The following CNTNAP5 variants were observed in gnomAD, a reference collection of about 807,000 sequenced individuals.
CNTNAP5 encodes contactin associated protein family member 5.
Under a neutral mutation model 150.2 loss-of-function variants are expected in CNTNAP5, and 72 were observed. That is an observed-to-expected ratio of 0.48 (90% CI 0.40 to 0.58). CNTNAP5 has a LOEUF of 0.58. Ranked by LOEUF, CNTNAP5 falls within the 20% of genes least tolerant of loss-of-function variation. CNTNAP5 has a pLI of 0.00. For missense variants in CNTNAP5, 1,636 were observed against 1,626.2 expected (o/e 1.01, Z -0.10); for synonymous variants, 672 against 619.8 (o/e 1.08, Z -1.25).
intron 3 of CNTNAP5, among the ~76,000 whole-genome samples, chr2:124,308,965 T>A (rs1294435305): frequency 1.3e-5 from 2 of 152,174 alleles, no homozygotes. Context: ...AATAGTCCAG[T>A]GCCCCAACTT....
At chr2:124,090,241 A>G (rs1185058805) in intron 1 of CNTNAP5, among the ~76,000 whole-genome samples, 1 of 152,240 alleles carries the variant, frequency 6.6e-6, no homozygotes, top group Non-Finnish European at 1.5e-5. Flanking sequence ...CAAATTAATC[A>G]GTTTCGGCAT....
At chr2:124,181,037 TA>T (rs937481106) in intron 1 of CNTNAP5, among the ~76,000 whole-genome samples, 25 of 148,442 alleles carry the variant, frequency 1.7e-4, no homozygotes, top group Admixed American at 4.7e-4. Context: ...AGCCAGAATT[TA>T]AAAAAAAAAA....
chr2:124,555,342 A>G (rs1490456497), intron 10 of CNTNAP5, among the ~76,000 whole-genome samples: 1 of 152,228 alleles, frequency 6.6e-6, no homozygotes, highest in Non-Finnish European at 1.5e-5. Flanking sequence ...TGAAGATTTG[A>G]GGCTGTCAGT....
At chr2:124,548,665 G>A (rs1695568673) in intron 10 of CNTNAP5, among the ~76,000 whole-genome samples, 1 of 151,804 alleles carries the variant, frequency 6.6e-6, no homozygotes, top group Admixed American at 6.6e-5. Flanking sequence ...AAAGAGTGCA[G>A]GAAAGAAAAA....
chr2:124,201,982 C>A (rs533006672), intron 1 of CNTNAP5, among the ~76,000 whole-genome samples: 1 of 151,906 alleles, frequency 6.6e-6, no homozygotes, highest in Non-Finnish European at 1.5e-5. Flanking sequence ...ACAGTGTTTG[C>A]GTAATCAAAA....
At chr2:124,292,038 G>A (rs1688308025) in intron 3 of CNTNAP5, among the ~76,000 whole-genome samples, 1 of 152,156 alleles carries the variant, frequency 6.6e-6, no homozygotes, top group South Asian at 2.1e-4. Flanking sequence ...ATGTGGCCAA[G>A]CACAATCATA....
In CNTNAP5 at chr2:124,362,130, C is replaced by T. The variant is rs867462023; in HGVS notation, c.382-55313C>T. Among the ~76,000 whole-genome samples, 18 of 152,352 alleles carry T rather than the reference C, an allele frequency of 1.2e-4. 2 individuals carry two copies. The South Asian group carries it at 1.2e-3, about 11-fold the overall frequency. The stretch of plus-strand genomic sequence containing the variant: ...GGAAAGGGAACTCCCTGACCCCTTG[C>T]GCTTCCCAAGTGAGGCAATGCCTCG... On this transcript the variant is annotated intron_variant, in intron 3 of 23. Transcript: ENST00000682447.
chr2:124,518,523 A>G (rs867373989), intron 8 of CNTNAP5, among the ~76,000 whole-genome samples: 2 of 152,190 alleles, frequency 1.3e-5, no homozygotes, highest in African/African-American at 4.8e-5. Flanking sequence ...GAAGTTCCTC[A>G]AAGGGTTAAA....
rs1169865315 is a variant in CNTNAP5, at chr2:124,592,617, A to G, written c.1757-17184A>G. Among the ~76,000 whole-genome samples the G allele has an allele frequency of 4.6e-5, 7 of 152,108 alleles. No individual in the cohort carries two copies. The East Asian group carries it at 1.2e-3, about 25-fold the overall frequency. On this transcript the variant is annotated intron_variant, in intron 11 of 23. Transcript: ENST00000682447. ...AAATTAGCAATGATCCAAAAGATTG[A>G]CAACACTCCACTGCTAAGCCTGCTA... is the stretch of plus-strand genomic sequence containing the variant.
intron 2 of CNTNAP5, among the ~76,000 whole-genome samples, chr2:124,236,739 G>GGAAGACAGCAGAAGTAACT (rs1210981011): frequency 6.6e-6 from 1 of 152,092 alleles, no homozygotes; most frequent in African/African-American, 2.4e-5. Context: ...AGGGCCTTCT[G>GGAAGACAGCAGAAGTAACT]GAAGACAGCA....
chr2:124,901,993 G>A (rs930082328), intron 21 of CNTNAP5, among the ~76,000 whole-genome samples: 2 of 152,002 alleles, frequency 1.3e-5, no homozygotes, highest in African/African-American at 4.8e-5. Flanking sequence ...AGTCCCTACT[G>A]CCTTTCAGAA....
At chr2:124,459,372 C>T (rs1259398748) in intron 6 of CNTNAP5, among the ~76,000 whole-genome samples, 1 of 152,156 alleles carries the variant, frequency 6.6e-6, no homozygotes, top group African/African-American at 2.4e-5. Context: ...CATCACCTCT[C>T]AGATTGTGAT....
intron 3 of CNTNAP5, among the ~76,000 whole-genome samples, chr2:124,250,167 C>T (rs191896914): frequency 1.4e-3 from 211 of 152,222 alleles, no homozygotes; most frequent in Non-Finnish European, 2.1e-3. Context: ...TTCTCAAAAA[C>T]GAGCATGCTT....
intron 1 of CNTNAP5, among the ~76,000 whole-genome samples, chr2:124,134,246 T>A (rs1683925576): frequency 6.6e-6 from 1 of 152,106 alleles, no homozygotes. Context: ...CCTCATTTTC[T>A]TCCTGGAGTA....
intron 19 of CNTNAP5, among the ~76,000 whole-genome samples, chr2:124,822,375 G>A (rs547732873): frequency 6.6e-6 from 1 of 152,068 alleles, no homozygotes; most frequent in African/African-American, 2.4e-5. Flanking sequence ...CATTCTTTGA[G>A]ACTAGCTTTA....
At chr2:124,678,857 C>A (rs375127637) in intron 13 of CNTNAP5, among the ~76,000 whole-genome samples, 8 of 151,934 alleles carry the variant, frequency 5.3e-5, no homozygotes, top group Non-Finnish European at 7.3e-5. Flanking sequence ...CTCTCAAGGG[C>A]AAGACAAATG....
chr2:124,738,010 G>A (rs571790886), intron 13 of CNTNAP5, among the ~76,000 whole-genome samples: 2 of 152,198 alleles, frequency 1.3e-5, no homozygotes, highest in African/African-American at 4.8e-5. Context: ...TATACACAAT[G>A]GCTTTAGTAG....
At chr2:124,563,069 G>A (rs1251345385) in intron 10 of CNTNAP5, 148 bp from the exon 11 acceptor site, 3 of 597,240 alleles carry the variant, frequency 5.0e-6, no homozygotes, top group Non-Finnish European at 9.0e-6. Flanking sequence ...ATACTATTTT[G>A]ATGTCATTCA....
chr2:124,871,407 G>A (rs1030048915), intron 21 of CNTNAP5, among the ~76,000 whole-genome samples: 5 of 152,124 alleles, frequency 3.3e-5, no homozygotes, highest in Non-Finnish European at 7.4e-5. Context: ...AGTCAGAGGT[G>A]TAACGGAGCC....
Sources: allele counts gnomAD v4.1 joint callset (sites outside exome capture counted in the v4.1 genomes callset), GRCh38; gene constraint gnomAD v4.1.1; transcripts MANE v1.5; gene names NCBI Gene and HGNC (gene_info 2026-07-23, HGNC 2026-07-21).